Variants in GRIP1 observed in about 807,000 individuals in gnomAD.
GRIP1 encodes the protein glutamate receptor-interacting protein 1.
A neutral mutation model predicts 129.9 loss-of-function variants in GRIP1; 45 were observed. The ratio of observed to expected loss-of-function variants is 0.35; its 90% CI spans 0.27 to 0.44. The LOEUF (loss-of-function observed/expected upper bound fraction) is 0.44. GRIP1 is among the 20% of genes least tolerant of loss of function. GRIP1 has a pLI of 1.00. For missense variants in GRIP1, 1,196 were observed against 1,396.8 expected, an observed-to-expected ratio of 0.86 and a Z score of 2.29; for synonymous variants, 530 against 520.8, an observed-to-expected ratio of 1.02 and a Z score of -0.24.
intron 16 of GRIP1, among the ~76,000 whole-genome samples, chr12:66,399,877 C>T (rs2056922939): frequency 6.6e-6 from 1 of 151,842 alleles, no homozygotes; most frequent in African/African-American, 2.4e-5. Context: ...TTCTTGGAGT[C>T]GGACAGGCCT....
At chr12:66,864,183 A>ATT (rs542657901) in intron 1 of GRIP1, among the ~76,000 whole-genome samples, 12 of 152,020 alleles carry the variant, frequency 7.9e-5, no homozygotes, top group African/African-American at 2.9e-4. Flanking sequence ...ATGATACTCA[A>ATT]TTTTTTTTCT....
At chr12:66,952,292 C>T (rs767960479) in intron 1 of GRIP1, among the ~76,000 whole-genome samples, 35 of 152,054 alleles carry the variant, frequency 2.3e-4, no homozygotes, top group Non-Finnish European at 8.8e-5. Context: ...AGATAGAATG[C>T]TGGTGAGAGA....
intron 1 of GRIP1, among the ~76,000 whole-genome samples, chr12:67,029,314 T>A (rs2042985824): frequency 6.6e-6 from 1 of 152,056 alleles, no homozygotes; most frequent in Non-Finnish European, 1.5e-5. Context: ...AGGTTTTGCC[T>A]CATTGCCCAG....
chr12:66,780,436 C>T (rs979366107), intron 1 of GRIP1, among the ~76,000 whole-genome samples: 2 of 152,172 alleles, frequency 1.3e-5, no homozygotes, highest in Non-Finnish European at 2.9e-5. Context: ...CAGTCTTGCC[C>T]CTGTGAACTC....
intron 2 of GRIP1, among the ~76,000 whole-genome samples, chr12:66,581,392 A>G (rs1004349165): frequency 3.3e-5 from 5 of 151,262 alleles, no homozygotes; most frequent in African/African-American, 1.2e-4. Flanking sequence ...GAAGGCAAGA[A>G]ATAACTAAAA....
chr12:66,976,045 A>C (rs2042146790), intron 1 of GRIP1, among the ~76,000 whole-genome samples: 1 of 152,168 alleles, frequency 6.6e-6, no homozygotes, highest in Admixed American at 6.5e-5. Context: ...ATCCTTTTTT[A>C]AAAGAACTCT....
At chr12:66,682,046 G>C (rs1203170159), upstream of GRIP1, among the ~76,000 whole-genome samples, 1 of 152,090 alleles carries the variant, frequency 6.6e-6, no homozygotes, top group Non-Finnish European at 1.5e-5. Flanking sequence ...GCTAGTAAGT[G>C]GTAAAGAACA....
At chr12:66,546,616 T>C (rs2061954821) in intron 2 of GRIP1, among the ~76,000 whole-genome samples, 1 of 152,026 alleles carries the variant, frequency 6.6e-6, no homozygotes, top group South Asian at 2.1e-4. Flanking sequence ...AAGATGCAAA[T>C]GCAATTCAAT....
intron 1 of GRIP1, among the ~76,000 whole-genome samples, chr12:66,883,006 GT>G (rs1014202687): frequency 5.3e-5 from 8 of 152,182 alleles, no homozygotes; most frequent in African/African-American, 1.9e-4. Flanking sequence ...GGGAGGAAAG[GT>G]CTTTCCCTCC....
chr12:66,440,695 G>A (rs1027735794), intron 13 of GRIP1, among the ~76,000 whole-genome samples: 1 of 151,932 alleles, frequency 6.6e-6, no homozygotes, highest in Non-Finnish European at 1.5e-5. Flanking sequence ...CCTCATTCAT[G>A]TCAGGCCCCA....
intron 1 of GRIP1, among the ~76,000 whole-genome samples, chr12:67,053,778 C>A (rs374578272): frequency 3.3e-5 from 5 of 150,802 alleles, no homozygotes; most frequent in Admixed American, 3.3e-4. Flanking sequence ...GTGGAGGTTG[C>A]AATGAGCCGA....
chr12:66,451,383 G>GTTTTTTTTTATTTTTTTTTTTTTTTTT (rs2058794788), intron 11 of GRIP1, among the ~76,000 whole-genome samples: 1 of 42,650 alleles, frequency 2.3e-5, no homozygotes, highest in Non-Finnish European at 4.2e-5. Flanking sequence ...ATTATAATCT[G>GTTTTTTTTTATTTTTTTTTTTTTTTTT]TTTTTTTTTT....
intron 1 of GRIP1, among the ~76,000 whole-genome samples, chr12:66,628,769 C>A (rs955830818): frequency 1.3e-5 from 2 of 152,210 alleles, no homozygotes; most frequent in African/African-American, 4.8e-5. Context: ...GGGGACGCTG[C>A]TAAACACCCA....
chr12:66,425,910 C>CATGTATACAT (rs1244273945), intron 14 of GRIP1, among the ~76,000 whole-genome samples: 2 of 152,032 alleles, frequency 1.3e-5, no homozygotes, highest in Non-Finnish European at 1.5e-5. Context: ...CAACATGGCA[C>CATGTATACAT]ATGTATACAT....
At chr12:67,002,339 A>C (rs1181271859) in intron 1 of GRIP1, among the ~76,000 whole-genome samples, 2 of 152,190 alleles carry the variant, frequency 1.3e-5, no homozygotes, top group East Asian at 1.9e-4. Context: ...AAATTCACTG[A>C]CCTAAATATT....
At chr12:66,469,605 A>T (rs1036264549) in intron 7 of GRIP1, among the ~76,000 whole-genome samples, 4 of 152,214 alleles carry the variant, frequency 2.6e-5, no homozygotes, top group African/African-American at 9.6e-5. Flanking sequence ...TTCTAGCAAG[A>T]TTCTATCATA....
intron 1 of GRIP1, among the ~76,000 whole-genome samples, chr12:66,739,196 C>A (rs1288140366): frequency 6.6e-6 from 1 of 152,074 alleles, no homozygotes; most frequent in African/African-American, 2.4e-5. Flanking sequence ...TGATTAACAC[C>A]TACTGAGTAC....
At chr12:66,835,101 A>G (rs2039589479) in intron 1 of GRIP1, among the ~76,000 whole-genome samples, 1 of 152,184 alleles carries the variant, frequency 6.6e-6, no homozygotes, top group South Asian at 2.1e-4. Context: ...GTTATCTAAA[A>G]CATATAAAGA....
intron 1 of GRIP1, among the ~76,000 whole-genome samples, chr12:66,810,959 G>C (rs2039091001): frequency 2.0e-5 from 3 of 152,118 alleles, no homozygotes. Context: ...CCCTCCATTG[G>C]CTACAAGATT....
Sources: allele counts gnomAD v4.1 joint callset (sites outside exome capture counted in the v4.1 genomes callset), GRCh38; gene constraint gnomAD v4.1.1; transcripts MANE v1.5; gene names NCBI Gene and HGNC (gene_info 2026-07-23, HGNC 2026-07-21).